ZNF362: variants seen among roughly 807,000 people sequenced by gnomAD.
ZNF362 encodes zinc finger protein 362.
ZNF362 carries 11 observed loss-of-function variants against 42.9 expected under a neutral mutation model. That is an observed-to-expected ratio of 0.26 (90% CI 0.16 to 0.42). ZNF362 has a LOEUF of 0.42. ZNF362 is among the 20% of genes least tolerant of loss of function. The pLI is 1.00. For synonymous variants in ZNF362, 255 were observed against 257.3 expected (o/e 0.99, Z 0.09); for missense variants, 362 against 576.2 (o/e 0.63, Z 3.81).
chr1:33,296,639 AAG>A (rs56923574), intron 8 of ZNF362, among the ~76,000 whole-genome samples: 47,683 of 151,934 alleles, frequency 0.31, 8,107 homozygotes, highest in Admixed American at 0.45. Context: ...GAGGAGGAGA[AAG>A]AGGGGAAAGA....
At chr1:33,277,739 C>T (rs1645962270) in intron 4 of ZNF362, among the ~76,000 whole-genome samples, 1 of 152,128 alleles carries the variant, frequency 6.6e-6, no homozygotes, top group Non-Finnish European at 1.5e-5. Context: ...AGGGCACCGC[C>T]CTTGTGATGG....
chr1:33,228,773 G>A, the ZNF362 span, among the ~76,000 whole-genome samples: 3 of 152,074 alleles, frequency 2.0e-5, no homozygotes, highest in Non-Finnish European at 4.4e-5. Context: ...ACTTTGCCTT[G>A]TCTATTTCCC....
rs1009632397 is a variant in ZNF362 at position 33,270,524 on chromosome 1, G to A, written c.-51G>A. ...ACACAGAGGAAGTGACTGGCTGGGG[G>A]TTCAGGGAAAGCTCCGTAGAAGAGG... On this transcript the variant is annotated 5_prime_UTR_variant, in exon 2 of 9. Coordinates refer to ENST00000539719, the MANE Select transcript of ZNF362 (RefSeq NM_152493.3). 3.4e-6 allele frequency: 4 copies of A among 1,169,314 alleles called. No homozygotes were observed. Among genetic ancestry groups the A allele is most frequent in the Non-Finnish European group, 5.1e-6 (4 of 780,788 alleles). The allele number at this position is 1,169,314 out of a possible 1,614,324, so 72.4% of individuals were successfully genotyped here.
chr1:33,214,112 GA>G, the ZNF362 span, among the ~76,000 whole-genome samples: 438 of 152,168 alleles, frequency 2.9e-3, 1 homozygote, highest in African/African-American at 0.01. Flanking sequence ...TAAATTGAAA[GA>G]CACAAAATAA....
At chr1:33,222,554 C>T in the ZNF362 span, among the ~76,000 whole-genome samples, 1 of 152,144 alleles carries the variant, frequency 6.6e-6, no homozygotes, top group African/African-American at 2.4e-5. Flanking sequence ...CCAGTAATTT[C>T]CTACTGTGCC....
chr1:33,252,921 G>A (rs896312746), upstream of ZNF362, among the ~76,000 whole-genome samples: 1 of 152,080 alleles, frequency 6.6e-6, no homozygotes, highest in Non-Finnish European at 1.5e-5. Flanking sequence ...GGATGACAGT[G>A]GGCTTGCTGT....
At chr1:33,274,981 T>A in intron 2 of ZNF362, 1 of 985,448 alleles carries the variant, frequency 1.0e-6, no homozygotes, top group Non-Finnish European at 1.2e-6. Flanking sequence ...CCCGAAGCCC[T>A]ATAGCTACCA....
the ZNF362 span, among the ~76,000 whole-genome samples, chr1:33,151,931 C>T: frequency 1.3e-5 from 2 of 152,248 alleles, no homozygotes; most frequent in Non-Finnish European, 1.5e-5. Flanking sequence ...ACAGAGGCTT[C>T]GAACATGCAG....
chr1:33,148,298 A>G, the ZNF362 span, among the ~76,000 whole-genome samples: 1 of 152,240 alleles, frequency 6.6e-6, no homozygotes, highest in Non-Finnish European at 1.5e-5. Context: ...TTATAAGGAT[A>G]AGAAACTATA....
In ZNF362 at chr1:33,257,504, T is replaced by C. The variant is rs112820692; in HGVS notation, c.-89+850T>C. Among the ~76,000 whole-genome samples the C allele has an allele frequency of 1.9e-3, 291 of 151,328 alleles. 5 individuals carry two copies. The highest frequency in any genetic ancestry group is 6.3e-3 in the African/African-American group (261 of 41,324). On this transcript the variant is annotated intron_variant, in intron 1 of 8. Coordinates refer to ENST00000539719, the MANE Select transcript of ZNF362 (RefSeq NM_152493.3). Reference sequence around the variant, plus strand: ...CATTTCTCCCCCAGCCAGCTGCCTTTGCAGGATTTTTGGGAAAAGTTAACT... The same window carrying C: ...CATTTCTCCCCCAGCCAGCTGCCTTCGCAGGATTTTTGGGAAAAGTTAACT...
At chr1:33,130,832 C>A in the ZNF362 span, among the ~76,000 whole-genome samples, 1 of 152,122 alleles carries the variant, frequency 6.6e-6, no homozygotes, top group Non-Finnish European at 1.5e-5. Flanking sequence ...ATAATGAGAA[C>A]CTGAATTGTG....
chr1:33,134,531 A>G, the ZNF362 span, among the ~76,000 whole-genome samples: 1 of 152,240 alleles, frequency 6.6e-6, no homozygotes, highest in Non-Finnish European at 1.5e-5. Flanking sequence ...GGAGGGGGTC[A>G]GAAGACAGAG....
At chr1:33,292,327 A>C (rs931015554) in intron 6 of ZNF362, among the ~76,000 whole-genome samples, 3 of 152,192 alleles carry the variant, frequency 2.0e-5, no homozygotes, top group East Asian at 3.8e-4. Context: ...TGAGATAATC[A>C]TGTGGTGTTT....
At chr1:33,206,099 T>A in the ZNF362 span, among the ~76,000 whole-genome samples, 21 of 151,948 alleles carry the variant, frequency 1.4e-4, no homozygotes, top group Non-Finnish European at 2.9e-5. Flanking sequence ...CATGTGCAAA[T>A]GCAAAAACAA....
chr1:33,181,031 C>CTCGTCGAAGGCG, the ZNF362 span: 2 of 1,542,272 alleles, frequency 1.3e-6, no homozygotes, highest in Non-Finnish European at 1.7e-6. The surrounding 1 kb of genome is among the most constrained non-coding windows in gnomAD (Gnocchi z 6.5). Flanking sequence ...GCACCTGCAG[C>CTCGTCGAAGGCG]TCGTCGAAGG....
the ZNF362 span, chr1:33,158,425 C>A: frequency 6.7e-7 from 1 of 1,503,592 alleles, no homozygotes; most frequent in Non-Finnish European, 9.2e-7. Context: ...GCCCCAATGC[C>A]AGGGGCCCCG....
chr1:33,151,853 G>T, the ZNF362 span, among the ~76,000 whole-genome samples: 1 of 152,222 alleles, frequency 6.6e-6, no homozygotes, highest in East Asian at 1.9e-4. Flanking sequence ...AGCGGAGAAA[G>T]CCCTCCCGGG....
the ZNF362 span, among the ~76,000 whole-genome samples, chr1:33,178,629 G>T: frequency 6.6e-6 from 1 of 152,264 alleles, no homozygotes; most frequent in Non-Finnish European, 1.5e-5. Flanking sequence ...CAAAAGTCCT[G>T]GTAGGAAGGA....
At chr1:33,152,431 G>C in the ZNF362 span, among the ~76,000 whole-genome samples, 1 of 152,202 alleles carries the variant, frequency 6.6e-6, no homozygotes, top group Non-Finnish European at 1.5e-5. Context: ...GCGGCGCATG[G>C]TGGCACATGC....
Sources: gnomAD v4.1 joint callset for allele counts (sites outside exome capture counted in the v4.1 genomes callset) on GRCh38, gnomAD v4.1.1 for gene constraint, Gnocchi (gnomAD v3.1) non-coding constraint, MANE v1.5 for transcripts, NCBI Gene and HGNC (gene_info 2026-07-23, HGNC 2026-07-21) for gene names.